Variants in ADAMTSL1 observed in about 807,000 individuals in gnomAD.
The protein encoded by ADAMTSL1 is ADAMTS-like protein 1.
In ADAMTSL1, 126 loss-of-function variants were observed where a neutral mutation model predicts 201.8. The observed-to-expected ratio is 0.62, with a 90% confidence interval of 0.54 to 0.72. The LOEUF is 0.72. ADAMTSL1 is among the 30% of genes least tolerant of loss of function. ADAMTSL1 has a pLI of 0.00. For missense variants in ADAMTSL1, 2,679 were observed against 2,277.8 expected (o/e 1.18, Z -3.59); for synonymous variants, 1,121 against 903.4 (o/e 1.24, Z -4.32).
In ADAMTSL1 at chr9:18,328,351, CTT is replaced by C. The variant is rs1296717438; in HGVS notation, c.207+164374_207+164375del. The stretch of plus-strand genomic sequence containing the variant: ...TAATCAGTTATTTTCCTGTTTGTCT[CTT>C]TTTCTATATTCAATGTCCCTGAGGA... On this transcript the variant is annotated intron_variant, in intron 2 of 29. Coordinates refer to the ADAMTSL1 transcript ENST00000680146. Among the ~76,000 whole-genome samples the C allele has an allele frequency of 5.9e-5, 9 of 152,306 alleles. No individual in the cohort carries two copies. In the East Asian group the frequency reaches 1.4e-3, roughly 23 times the overall value.
chr9:18,502,909 TTAA>T (rs1346809141), intron 1 of ADAMTSL1, among the ~76,000 whole-genome samples: 1 of 152,006 alleles, frequency 6.6e-6, no homozygotes, highest in African/African-American at 2.4e-5. Context: ...TTTATACATA[TTAA>T]TAATAATTAA....
chr9:18,331,320 G>C (rs1359076040), intron 2 of ADAMTSL1, among the ~76,000 whole-genome samples: 1 of 152,174 alleles, frequency 6.6e-6, no homozygotes, highest in East Asian at 1.9e-4. Flanking sequence ...GCCATAAAAA[G>C]TCTTTGTTTA....
intron 2 of ADAMTSL1, among the ~76,000 whole-genome samples, chr9:18,462,742 C>A (rs528934872): frequency 4.0e-4 from 60 of 151,870 alleles, no homozygotes; most frequent in Admixed American, 9.2e-4. Flanking sequence ...AGTTTGAGAC[C>A]AGCCTGGGTA....
At chr9:18,384,205 G>T (rs1837685077) in intron 2 of ADAMTSL1, among the ~76,000 whole-genome samples, 1 of 152,124 alleles carries the variant, frequency 6.6e-6, no homozygotes, top group Admixed American at 6.6e-5. Flanking sequence ...TTACAGTCAT[G>T]TTGGAGGGCA....
At chr9:18,836,641 G>C (rs1329713561) in intron 23 of ADAMTSL1, among the ~76,000 whole-genome samples, 4 of 152,050 alleles carry the variant, frequency 2.6e-5, no homozygotes, top group Non-Finnish European at 5.9e-5. Flanking sequence ...GAAAAATGAG[G>C]TTGATAGTTT....
intron 1 of ADAMTSL1, among the ~76,000 whole-genome samples, chr9:18,084,973 C>G (rs1302862407): frequency 6.6e-6 from 1 of 152,132 alleles, no homozygotes; most frequent in Non-Finnish European, 1.5e-5. Context: ...AGGTAAGACT[C>G]TACTGATAAT....
chr9:18,531,138 A>G (rs1276036935), intron 2 of ADAMTSL1, among the ~76,000 whole-genome samples: 3 of 152,196 alleles, frequency 2.0e-5, no homozygotes, highest in African/African-American at 4.8e-5. Context: ...GAATATTTCA[A>G]ACTAGAATGC....
At chr9:18,474,402 A>G (rs1821349427) in intron 1 of ADAMTSL1, 107 bp downstream of exon 1, 5 of 1,104,416 alleles carry the variant, frequency 4.5e-6, no homozygotes, top group Non-Finnish European at 6.8e-6. Context: ...TCTTTATCTT[A>G]AAACTCCAGG....
In ADAMTSL1 at chr9:18,892,458, C is replaced by G; in HGVS notation, c.4713C>G (p.Thr1571=). ...CGGGVQTRRV[T]CQKLKASGIS... ...GAGGTGTCCAGACCCGCAGGGTGAC[C>G]TGTCAAAAGCTGAAAGCCTCTGGGA... Residue 1571 remains threonine (T), a synonymous_variant, in exon 26 of 29, where the codon ACC becomes ACG. Coordinates refer to ENST00000380548, the MANE Select transcript of ADAMTSL1 (RefSeq NM_001040272.6). 2 of 1,613,358 alleles carry G rather than the reference C, an allele frequency of 1.2e-6. No homozygotes were observed. The highest frequency in any genetic ancestry group is 1.7e-6 in the Non-Finnish European group (2 of 1,179,730).
At position 18,721,623 on chromosome 9, in the gene ADAMTSL1, C is replaced by G. The variant is rs1458728813; in HGVS notation, c.1964C>G (p.Pro655Arg). The change falls in exon 15 of 29, where the codon CCA becomes CGA. Residue 655 changes from proline to arginine, a missense_variant. Physicochemically the swap from Pro to Arg is moderately radical, Grantham distance 103. Transcript: ENST00000380548. ...ENLCVTSRRP[P>R]QLLKSCNLDP... is the part of the protein sequence containing the mutation. ...CTGTGCGTGACCAGCCGCCGGCCCC[C>G]ACAGCTCCTGAAGTCCTGCAATTTG... 4 of 1,613,980 alleles carry G rather than the reference C, an allele frequency of 2.5e-6. No homozygotes were observed. The highest frequency in any genetic ancestry group is 2.5e-6 in the Non-Finnish European group (3 of 1,179,886).
At chr9:18,770,499 T>G in intron 16 of ADAMTSL1, 103 bp from the exon 17 acceptor site, 1 of 1,217,206 alleles carries the variant, frequency 8.2e-7, no homozygotes, top group Non-Finnish European at 1.1e-6. Context: ...CTTCTGGATT[T>G]TTTTTTCTTC....
At chr9:18,248,946 T>G (rs1224277169) in intron 2 of ADAMTSL1, among the ~76,000 whole-genome samples, 5 of 152,342 alleles carry the variant, frequency 3.3e-5, no homozygotes, top group African/African-American at 9.6e-5. Context: ...AAGTTGTGAA[T>G]GTAGCACCGT....
intron 4 of ADAMTSL1, 49 bp downstream of exon 4, chr9:18,574,315 CT>C: frequency 2.0e-6 from 3 of 1,498,850 alleles, no homozygotes; most frequent in Non-Finnish European, 2.8e-6. Flanking sequence ...GTTTCAATGT[CT>C]TTGTGTAAAT....
chr9:18,564,219 C>T (rs922364896), intron 3 of ADAMTSL1, among the ~76,000 whole-genome samples: 3 of 152,160 alleles, frequency 2.0e-5, no homozygotes, highest in Admixed American at 6.5e-5. Flanking sequence ...CGGATAGCAC[C>T]GTCCCTCGTG....
intron 23 of ADAMTSL1, among the ~76,000 whole-genome samples, chr9:18,851,734 G>T (rs1826505818): frequency 6.6e-6 from 1 of 152,174 alleles, no homozygotes; most frequent in Non-Finnish European, 1.5e-5. Context: ...CTTGGGAAGG[G>T]CCACGTGTAT....
chr9:18,674,349 A>G (rs949175579), intron 9 of ADAMTSL1, among the ~76,000 whole-genome samples: 14 of 152,182 alleles, frequency 9.2e-5, no homozygotes, highest in Non-Finnish European at 1.9e-4. Flanking sequence ...CCTCCTGGAA[A>G]TAGATATCCA....
intron 1 of ADAMTSL1, among the ~76,000 whole-genome samples, chr9:18,058,455 C>T (rs1346571678): frequency 3.3e-5 from 5 of 152,174 alleles, no homozygotes; most frequent in Non-Finnish European, 7.3e-5. Flanking sequence ...ATAAATATTA[C>T]ATCGCATTGA....
At chr9:18,808,402 A>G (rs1246963645) in intron 20 of ADAMTSL1, among the ~76,000 whole-genome samples, 1 of 152,242 alleles carries the variant, frequency 6.6e-6, no homozygotes. Context: ...TTAACAATGG[A>G]TCATGAAAGT....
intron 4 of ADAMTSL1, among the ~76,000 whole-genome samples, chr9:18,608,911 C>A (rs777047901): frequency 6.6e-6 from 1 of 152,134 alleles, no homozygotes; most frequent in Non-Finnish European, 1.5e-5. Context: ...CATTTAGATT[C>A]AGGGATTCTT....
Sources: gnomAD v4.1 joint callset for allele counts (sites outside exome capture counted in the v4.1 genomes callset) on GRCh38, gnomAD v4.1.1 for gene constraint, MANE v1.5 for transcripts, NCBI Gene and HGNC (gene_info 2026-07-23, HGNC 2026-07-21) for gene names.